The following ZMAT5 variants were observed in gnomAD, a reference collection of about 807,000 sequenced individuals.
ZMAT5 encodes the protein zinc finger matrin-type 5.
In ZMAT5, 23 loss-of-function variants were observed where a neutral mutation model predicts 28.0. That is an observed-to-expected ratio of 0.82 (90% CI 0.59 to 1.16). ZMAT5 has a LOEUF of 1.16. ZMAT5 is among the 50% of genes most tolerant of loss of function. The pLI is 0.00. For synonymous variants in ZMAT5, 76 were observed against 84.1 expected (o/e 0.90, Z 0.52); for missense variants, 173 against 212.7 (o/e 0.81, Z 1.16).
intron 1 of ZMAT5, chr22:29,758,844 G>A (rs560874373): frequency 2.0e-5 from 3 of 152,494 alleles, no homozygotes; most frequent in South Asian, 2.1e-4. Flanking sequence ...CCACTGCCTC[G>A]CTTGACTAGC....
At chr22:29,760,514 G>T (rs192105361) in intron 1 of ZMAT5, among the ~76,000 whole-genome samples, 12 of 152,302 alleles carry the variant, frequency 7.9e-5, no homozygotes, top group Non-Finnish European at 1.8e-4. Flanking sequence ...ATTCCAGCCT[G>T]GGTGACAGAG....
chr22:29,749,172 G>A (rs561778291), intron 1 of ZMAT5, among the ~76,000 whole-genome samples: 39 of 152,148 alleles, frequency 2.6e-4, no homozygotes, highest in African/African-American at 9.2e-4. Flanking sequence ...TAACCTTCTG[G>A]GCTCAAGTGA....
At chr22:29,749,424 C>T (rs1458520240) in intron 1 of ZMAT5, among the ~76,000 whole-genome samples, 2 of 152,106 alleles carry the variant, frequency 1.3e-5, no homozygotes, top group Admixed American at 1.3e-4. Context: ...CACCGGCCTC[C>T]CCTTTGCTCC....
At chr22:29,733,947 G>C (rs2067879093) in intron 5 of ZMAT5, among the ~76,000 whole-genome samples, 1 of 152,210 alleles carries the variant, frequency 6.6e-6, no homozygotes, top group South Asian at 2.1e-4. Context: ...GCACAACTCT[G>C]CTCGTAGCTT....
intron 1 of ZMAT5, among the ~76,000 whole-genome samples, chr22:29,764,440 AAG>A (rs753136306): frequency 6.6e-6 from 1 of 152,330 alleles, no homozygotes; most frequent in Middle Eastern, 3.4e-3. Flanking sequence ...GATGAATTAA[AAG>A]AGAGTTAAAG....
chr22:29,753,018 C>T (rs111493467), intron 1 of ZMAT5, among the ~76,000 whole-genome samples: 2 of 152,322 alleles, frequency 1.3e-5, no homozygotes, highest in African/African-American at 4.8e-5. Context: ...ATCTCACCTC[C>T]GAGAGCGGGA....
At chr22:29,742,006 A>G (rs901121681) in intron 3 of ZMAT5, among the ~76,000 whole-genome samples, 1 of 150,484 alleles carries the variant, frequency 6.6e-6, no homozygotes, top group Admixed American at 6.6e-5. Flanking sequence ...TGAGCAGTCA[A>G]ATCTACACCT....
intron 5 of ZMAT5, among the ~76,000 whole-genome samples, chr22:29,733,497 G>A (rs2067873692): frequency 2.0e-5 from 3 of 152,240 alleles, no homozygotes; most frequent in Admixed American, 6.5e-5. Flanking sequence ...AGAGGACAGG[G>A]ACATCCCCTG....
chr22:29,739,052 G>A (rs527769436), intron 4 of ZMAT5, among the ~76,000 whole-genome samples: 1 of 151,820 alleles, frequency 6.6e-6, no homozygotes, highest in Admixed American at 6.5e-5. Context: ...CCTAAGGAGG[G>A]GTCTGAATCT....
At chr22:29,737,289 C>T (rs532910056) in intron 5 of ZMAT5, among the ~76,000 whole-genome samples, 1 of 152,264 alleles carries the variant, frequency 6.6e-6, no homozygotes, top group African/African-American at 2.4e-5. Context: ...GATCACACCA[C>T]TGCACTCCAG....
At chr22:29,750,027 C>T (rs138011431) in intron 1 of ZMAT5, among the ~76,000 whole-genome samples, 28 of 152,260 alleles carry the variant, frequency 1.8e-4, no homozygotes, top group African/African-American at 6.5e-4. Flanking sequence ...ACCCTTCATG[C>T]AATAAGTTAC....
intron 5 of ZMAT5, among the ~76,000 whole-genome samples, chr22:29,737,614 CCT>C (rs2067918157): frequency 3.9e-5 from 6 of 152,206 alleles, no homozygotes; most frequent in Admixed American, 3.9e-4. Context: ...AGCTTTATCC[CCT>C]TTTCCTCCCC....
chr22:29,732,007 AC>A (rs1045797029), intron 5 of ZMAT5, among the ~76,000 whole-genome samples: 1 of 151,978 alleles, frequency 6.6e-6, no homozygotes, highest in African/African-American at 2.4e-5. Context: ...CTCAACGTCC[AC>A]CCCGAGCCAC....
At chr22:29,757,952 G>T (rs1239527131) in intron 1 of ZMAT5, among the ~76,000 whole-genome samples, 1 of 151,392 alleles carries the variant, frequency 6.6e-6, no homozygotes, top group Non-Finnish European at 1.5e-5. Flanking sequence ...GGGAGACGGA[G>T]GTTGCAGTGA....
intron 2 of ZMAT5, among the ~76,000 whole-genome samples, chr22:29,745,176 A>C (rs1347172597): frequency 6.6e-6 from 1 of 152,196 alleles, no homozygotes; most frequent in Non-Finnish European, 1.5e-5. Context: ...GCGTGTAGCC[A>C]AACGACCTGA....
In ZMAT5 at chr22:29,738,363, C is replaced by T. The variant is rs763411497; in HGVS notation, c.350G>A (p.Arg117Lys). ...TGGGGCTGAGCTCAGCCGCTTGGCTCTCTTCTCCAGCCAGTCCTCCAGATG... is the reference window on the plus strand; with the variant it reads ...TGGGGCTGAGCTCAGCCGCTTGGCTTTCTTCTCCAGCCAGTCCTCCAGATG... ...EGHLEDWLEK[R>K]AKRLSSAPSS... The change falls in exon 5 of 6, where the codon AGA becomes AAA. Residue 117 changes from arginine (R) to lysine (K), a missense_variant. Transcript: ENST00000344318. 51 of 1,610,422 alleles carry T rather than the reference C, an allele frequency of 3.2e-5. 2 individuals carry two copies. The South Asian group carries it at 5.6e-4, about 18-fold the overall frequency.
chr22:29,755,095 A>G (rs1194397258), intron 1 of ZMAT5, among the ~76,000 whole-genome samples: 1 of 151,974 alleles, frequency 6.6e-6, no homozygotes, highest in Non-Finnish European at 1.5e-5. Context: ...CAGGAGTTTG[A>G]GACCAGCCTG....
At chr22:29,762,220 C>T (rs2068163904) in intron 1 of ZMAT5, among the ~76,000 whole-genome samples, 1 of 152,140 alleles carries the variant, frequency 6.6e-6, no homozygotes, top group Non-Finnish European at 1.5e-5. Flanking sequence ...TTGAGAAATT[C>T]AGAATCTTCA....
chr22:29,737,935 G>A (rs1002525283), intron 5 of ZMAT5, among the ~76,000 whole-genome samples: 5 of 152,054 alleles, frequency 3.3e-5, no homozygotes, highest in African/African-American at 1.2e-4. Flanking sequence ...TTTCCCGTCT[G>A]TGTGCCCTCG....
Sources: allele counts gnomAD v4.1 joint callset (sites outside exome capture counted in the v4.1 genomes callset), GRCh38; gene constraint gnomAD v4.1.1; transcripts MANE v1.5; gene names NCBI Gene and HGNC (gene_info 2026-07-23, HGNC 2026-07-21).